Variants in NRG1 observed in about 807,000 individuals in gnomAD.
NRG1 encodes the protein neuregulin 1.
NRG1 carries 18 observed loss-of-function variants against 63.8 expected under a neutral mutation model. That is an observed-to-expected ratio of 0.28 (90% CI 0.19 to 0.42). The LOEUF (loss-of-function observed/expected upper bound fraction) is 0.42. Among genes scored for constraint, NRG1 ranks in the 10% least tolerant of loss-of-function variants. The pLI, the probability that NRG1 is intolerant of heterozygous loss-of-function variation, is 1.00. For synonymous variants in NRG1, 302 were observed against 301.3 expected, an observed-to-expected ratio of 1.00 and a Z score of -0.02; for missense variants, 762 against 814.7, an observed-to-expected ratio of 0.94 and a Z score of 0.79.
intron 7 of NRG1, among the ~76,000 whole-genome samples, chr8:32,753,072 T>C (rs1005212537): frequency 1.1e-4 from 16 of 152,238 alleles, no homozygotes; most frequent in African/African-American, 2.9e-4. Flanking sequence ...AGATATAATA[T>C]GGAAATATGC....
intron 1 of NRG1, among the ~76,000 whole-genome samples, chr8:32,218,802 G>C (rs1306938766): frequency 6.6e-6 from 1 of 152,172 alleles, no homozygotes; most frequent in Non-Finnish European, 1.5e-5. Context: ...GATGCCAAAT[G>C]AGCCTCATCT....
At chr8:31,915,994 A>T (rs112956510) in intron 1 of NRG1, among the ~76,000 whole-genome samples, 3 of 152,218 alleles carry the variant, frequency 2.0e-5, no homozygotes, top group African/African-American at 7.2e-5. Context: ...AGTTTTACTT[A>T]CTTCCAGCAC....
At chr8:31,892,060 T>C (rs569682896) in intron 1 of NRG1, among the ~76,000 whole-genome samples, 1 of 152,260 alleles carries the variant, frequency 6.6e-6, no homozygotes, top group South Asian at 2.1e-4. Flanking sequence ...GATGGAATTG[T>C]CTGTTTCTTG....
chr8:32,456,480 C>A (rs1821614861), intron 1 of NRG1, among the ~76,000 whole-genome samples: 1 of 152,186 alleles, frequency 6.6e-6, no homozygotes, highest in Non-Finnish European at 1.5e-5. Context: ...CAAGACCAAG[C>A]CCTCCTCCAT....
At chr8:32,594,258 C>T (rs190663769) in intron 1 of NRG1, among the ~76,000 whole-genome samples, 68 of 152,166 alleles carry the variant, frequency 4.5e-4, no homozygotes, top group Non-Finnish European at 8.1e-4. Flanking sequence ...TAATTAGGTA[C>T]GGAATCAGGG....
intron 1 of NRG1, among the ~76,000 whole-genome samples, chr8:31,777,373 A>G (rs1416739361): frequency 6.6e-6 from 1 of 152,228 alleles, no homozygotes; most frequent in Admixed American, 6.5e-5. Flanking sequence ...TGTTGGACCC[A>G]ATGTAGAGAT....
chr8:32,400,146 C>A (rs12114162), intron 1 of NRG1, among the ~76,000 whole-genome samples: 27,233 of 152,202 alleles, frequency 0.18, 2,816 homozygotes, highest in African/African-American at 0.28. Context: ...CAGAATCCTA[C>A]ATTAACCCGA....
At chr8:32,638,879 A>G (rs184737273) in intron 5 of NRG1, among the ~76,000 whole-genome samples, 1 of 152,336 alleles carries the variant, frequency 6.6e-6, no homozygotes, top group African/African-American at 2.4e-5. Flanking sequence ...TGCTTCCATG[A>G]GCATCATAAA....
At chr8:32,239,473 T>C (rs957394385) in intron 1 of NRG1, among the ~76,000 whole-genome samples, 1 of 151,926 alleles carries the variant, frequency 6.6e-6, no homozygotes, top group East Asian at 1.9e-4. Context: ...GAAGAACTTC[T>C]AGACTTGATA....
At chr8:31,698,787 C>G (rs1290656175) in intron 1 of NRG1, among the ~76,000 whole-genome samples, 1 of 152,182 alleles carries the variant, frequency 6.6e-6, no homozygotes, top group African/African-American at 2.4e-5. Flanking sequence ...CATTTATTCA[C>G]TTGTAATGTT....
intron 1 of NRG1, among the ~76,000 whole-genome samples, chr8:32,460,614 G>A (rs1259472274): frequency 6.6e-6 from 1 of 152,128 alleles, no homozygotes; most frequent in Non-Finnish European, 1.5e-5. Context: ...AACTCAGTCA[G>A]CATTTTACTT....
chr8:32,677,540 C>A (rs1318753614), intron 5 of NRG1, among the ~76,000 whole-genome samples: 1 of 151,946 alleles, frequency 6.6e-6, no homozygotes, highest in Non-Finnish European at 1.5e-5. Context: ...TTCCTGTAGT[C>A]CCAGCTACTT....
chr8:32,021,657 T>C (rs1459960464), intron 1 of NRG1, among the ~76,000 whole-genome samples: 1 of 152,106 alleles, frequency 6.6e-6, no homozygotes, highest in South Asian at 2.1e-4. Context: ...TGTGAACATA[T>C]ATAACTTTGA....
In NRG1 at chr8:31,703,944, A is replaced by G. The variant is rs550143393; in HGVS notation, c.37+64513A>G. On this transcript the variant is annotated intron_variant, in intron 1 of 10. Transcript: ENST00000519301. ...ACTTTGCCCTCCACACATTTTGCCTAAAACCTTCATTGGCTCTTGTAAGAT... is the reference window on the plus strand; with the variant it reads ...ACTTTGCCCTCCACACATTTTGCCTGAAACCTTCATTGGCTCTTGTAAGAT... Among the ~76,000 whole-genome samples the G allele has an allele frequency of 1.1e-4, 16 of 152,334 alleles. No individual in the cohort carries two copies. In the South Asian group the frequency reaches 1.9e-3, roughly 18 times the overall value.
intron 1 of NRG1, among the ~76,000 whole-genome samples, chr8:31,822,697 G>GT (rs1824120128): frequency 6.6e-6 from 1 of 152,124 alleles, no homozygotes; most frequent in Non-Finnish European, 1.5e-5. Context: ...ACAGACTTAG[G>GT]TTTTTTGAAT....
At chr8:32,178,370 G>C (rs958536535) in intron 1 of NRG1, among the ~76,000 whole-genome samples, 1 of 152,198 alleles carries the variant, frequency 6.6e-6, no homozygotes, top group African/African-American at 2.4e-5. Flanking sequence ...AGCACTTTGG[G>C]AGGCTGAGGC....
intron 1 of NRG1, among the ~76,000 whole-genome samples, chr8:31,864,754 T>C (rs986010421): frequency 1.3e-5 from 2 of 152,060 alleles, no homozygotes; most frequent in African/African-American, 2.4e-5. Flanking sequence ...AACTGGGAGG[T>C]GGCCTGATAA....
chr8:32,628,925 G>C (rs1179568144), intron 5 of NRG1, among the ~76,000 whole-genome samples: 1 of 151,898 alleles, frequency 6.6e-6, no homozygotes, highest in African/African-American at 2.4e-5. Flanking sequence ...GTAGACACAG[G>C]GTTCCACCAT....
At chr8:32,662,904 T>G (rs115306620) in intron 5 of NRG1, among the ~76,000 whole-genome samples, 1,739 of 152,260 alleles carry the variant, frequency 0.011, 40 homozygotes, top group African/African-American at 0.039. Context: ...CATTACCTTC[T>G]CATAAAAATA....
Sources: allele counts gnomAD v4.1 joint callset (sites outside exome capture counted in the v4.1 genomes callset), GRCh38; gene constraint gnomAD v4.1.1; transcripts MANE v1.5; gene names NCBI Gene and HGNC (gene_info 2026-07-23, HGNC 2026-07-21).